PSD3: variants seen among roughly 807,000 people sequenced by gnomAD.
PSD3 encodes pleckstrin and Sec7 domain containing 3, also known as PH and SEC7 domain-containing protein 3.
In PSD3, 49 loss-of-function variants were observed where a neutral mutation model predicts 105.5. The ratio of observed to expected loss-of-function variants is 0.46; its 90% CI spans 0.37 to 0.59. The LOEUF is 0.59. PSD3 is among the 20% of genes least tolerant of loss of function. PSD3 has a pLI of 0.00. For synonymous variants in PSD3, 557 were observed against 457.8 expected, an observed-to-expected ratio of 1.22 and a Z score of -2.77; for missense variants, 1,561 against 1,263.8, an observed-to-expected ratio of 1.24 and a Z score of -3.57.
At chr8:18,882,521 T>C (rs1818172431) in intron 2 of PSD3, among the ~76,000 whole-genome samples, 2 of 152,172 alleles carry the variant, frequency 1.3e-5, no homozygotes, top group African/African-American at 2.4e-5. Context: ...CTATATATAC[T>C]GTCTGCTCGC....
chr8:18,681,108 T>C (rs916255439), intron 9 of PSD3, among the ~76,000 whole-genome samples: 2 of 152,116 alleles, frequency 1.3e-5, no homozygotes, highest in Non-Finnish European at 2.9e-5. Flanking sequence ...ACACCTATTC[T>C]AGAAAGAGCC....
chr8:18,654,326 C>T (rs1228249770), intron 10 of PSD3, among the ~76,000 whole-genome samples: 1 of 152,132 alleles, frequency 6.6e-6, no homozygotes, highest in African/African-American at 2.4e-5. Flanking sequence ...GATAACATAA[C>T]AAGTTTTATC....
intron 2 of PSD3, among the ~76,000 whole-genome samples, chr8:18,877,586 G>A (rs1247223711): frequency 1.4e-5 from 2 of 146,522 alleles, no homozygotes; most frequent in Non-Finnish European, 3.0e-5. Flanking sequence ...CTGTCGCCCT[G>A]GCTGGAGTAC....
chr8:18,988,252 C>G (rs1396012364), intron 1 of PSD3, among the ~76,000 whole-genome samples: 1 of 152,024 alleles, frequency 6.6e-6, no homozygotes, highest in Non-Finnish European at 1.5e-5. Flanking sequence ...TAAAAGTGCC[C>G]TGATAAATCT....
In PSD3 at chr8:18,708,209, A is replaced by G. The variant is rs369616166; in HGVS notation, c.2173-52524T>C. Among the ~76,000 whole-genome samples the G allele has an allele frequency of 7.7e-4, 117 of 152,294 alleles. 1 individual carries two copies. The highest frequency in any genetic ancestry group is 2.6e-3 in the African/African-American group (109 of 41,560). On this transcript the variant is annotated intron_variant, in intron 9 of 15. Coordinates refer to ENST00000327040, the MANE Select transcript of PSD3 (RefSeq NM_015310.4). ...TTTCTTCCTTCTTTACACATATGGCAAAGAGGATATAAGGATAAAGACAAC... is the reference window on the plus strand; with the variant it reads ...TTTCTTCCTTCTTTACACATATGGCGAAGAGGATATAAGGATAAAGACAAC...
chr8:18,653,368 AC>A (rs1219105252), intron 10 of PSD3, among the ~76,000 whole-genome samples: 1 of 142,550 alleles, frequency 7.0e-6, no homozygotes, highest in East Asian at 2.1e-4. Flanking sequence ...AGAAAAAAAG[AC>A]AAAAAAAAAA....
chr8:18,927,213 T>G (rs1384299928), intron 2 of PSD3, among the ~76,000 whole-genome samples: 2 of 151,946 alleles, frequency 1.3e-5, no homozygotes, highest in Non-Finnish European at 2.9e-5. Flanking sequence ...CTTTCGGGTT[T>G]TTTTGTTTTG....
chr8:18,840,386 A>C (rs547396563), intron 4 of PSD3, among the ~76,000 whole-genome samples: 1 of 152,320 alleles, frequency 6.6e-6, no homozygotes, highest in South Asian at 2.1e-4. Flanking sequence ...TGCTGTCCTT[A>C]AATGAACCCT....
chr8:18,982,014 T>C lies in PSD3; in HGVS notation c.21+31549A>G, dbSNP rs78172963. ...TAGCATACAATGTTGTTTGACAGCA[T>C]CTTACCCACAGTAGAGCTTCTTTCA... On this transcript the variant is annotated intron_variant, in intron 1 of 15. Coordinates refer to ENST00000327040, the MANE Select transcript of PSD3 (RefSeq NM_015310.4). 3.3e-5 allele frequency among the ~76,000 whole-genome samples: 5 copies of C among 152,342 alleles called. No individual in the cohort carries two copies. The East Asian group carries it at 9.6e-4, about 29-fold the overall frequency.
At chr8:18,770,026 C>G (rs1807365767) in intron 8 of PSD3, among the ~76,000 whole-genome samples, 1 of 152,092 alleles carries the variant, frequency 6.6e-6, no homozygotes, top group Non-Finnish European at 1.5e-5. Context: ...CTATGGTAAT[C>G]TTGTTTATTC....
chr8:18,683,631 T>A (rs1438351735), intron 9 of PSD3: 1 of 589,668 alleles, frequency 1.7e-6, no homozygotes. Context: ...TTTCACCTGA[T>A]CGCACCTGAT....
At chr8:19,060,104 A>G (rs1051674844) in intron 1 of PSD3, among the ~76,000 whole-genome samples, 2 of 152,146 alleles carry the variant, frequency 1.3e-5, no homozygotes, top group Non-Finnish European at 2.9e-5. Flanking sequence ...CTGAAAATCC[A>G]GGTTTTTGCT....
At chr8:18,600,946 A>C (rs528046820) in intron 11 of PSD3, among the ~76,000 whole-genome samples, 1 of 152,314 alleles carries the variant, frequency 6.6e-6, no homozygotes, top group South Asian at 2.1e-4. Context: ...GTGCAAGTTT[A>C]AATGTTATTA....
chr8:18,669,106 C>T (rs2130905107), intron 9 of PSD3, among the ~76,000 whole-genome samples: 1 of 152,288 alleles, frequency 6.6e-6, no homozygotes, highest in Non-Finnish European at 1.5e-5. Context: ...CATAGCGTAC[C>T]TTGCTTAATG....
intron 2 of PSD3, among the ~76,000 whole-genome samples, chr8:18,892,364 C>G (rs896171088): frequency 2.0e-5 from 3 of 151,784 alleles, no homozygotes. Flanking sequence ...GCTGGGACTA[C>G]AGGCGCCCGC....
chr8:18,538,373 G>C lies in PSD3; in HGVS notation c.2929-2415C>G, dbSNP rs190891634. 3.0e-3 allele frequency among the ~76,000 whole-genome samples: 451 copies of C among 152,278 alleles called. 2 individuals are homozygous for C. The highest frequency in any genetic ancestry group is 0.011 in the African/African-American group (437 of 41,554). On this transcript the variant is annotated intron_variant, in intron 15 of 15. Coordinates refer to ENST00000327040, the MANE Select transcript of PSD3 (RefSeq NM_015310.4). ...ATGTCATCAGTATCACCCATCAGTA[G>C]ATGCACTATGAAATCAGAGGACTGA...
At chr8:18,616,518 A>G (rs2130683031) in intron 11 of PSD3, among the ~76,000 whole-genome samples, 1 of 151,806 alleles carries the variant, frequency 6.6e-6, no homozygotes, top group African/African-American at 2.4e-5. Flanking sequence ...AACATTCACC[A>G]TCTATTCTCG....
At chr8:19,010,263 A>G (rs997016725) in intron 1 of PSD3, among the ~76,000 whole-genome samples, 3 of 152,056 alleles carry the variant, frequency 2.0e-5, no homozygotes, top group East Asian at 3.9e-4. Flanking sequence ...CAAGAGAGAA[A>G]ATGCTCTGCC....
At chr8:19,039,306 G>A (rs888377037) in intron 1 of PSD3, among the ~76,000 whole-genome samples, 1 of 152,078 alleles carries the variant, frequency 6.6e-6, no homozygotes, top group African/African-American at 2.4e-5. Flanking sequence ...GCATGTATCT[G>A]TGCTCATTTC....
Sources: gnomAD v4.1 joint callset for allele counts (sites outside exome capture counted in the v4.1 genomes callset) on GRCh38, gnomAD v4.1.1 for gene constraint, MANE v1.5 for transcripts, NCBI Gene and HGNC (gene_info 2026-07-23, HGNC 2026-07-21) for gene names.